Variants in UGT1A9 observed in about 807,000 individuals in gnomAD.
UGT1A9 encodes UDP-glucuronosyltransferase 1A9.
A neutral mutation model predicts 45.0 loss-of-function variants in UGT1A9; 35 were observed. The ratio of observed to expected loss-of-function variants is 0.78; its 90% confidence interval spans 0.59 to 1.03. UGT1A9 has a LOEUF of 1.03. UGT1A9 is among the 50% of genes least tolerant of loss of function. The pLI, the probability that UGT1A9 is intolerant of heterozygous loss-of-function variation, is 0.00. For synonymous variants in UGT1A9, 278 were observed against 250.6 expected, an observed-to-expected ratio of 1.11 and a Z score of -1.03; for missense variants, 687 against 666.6, an observed-to-expected ratio of 1.03 and a Z score of -0.34.
At chr2:233,739,943 C>A (rs1413730564) in intron 1 of UGT1A9, among the ~76,000 whole-genome samples, 1 of 151,878 alleles carries the variant, frequency 6.6e-6, no homozygotes, top group African/African-American at 2.4e-5. Context: ...AAGGTTGGTA[C>A]CTGGTGGGAG....
At chr2:233,707,538 CTT>C (rs753963758) in intron 1 of UGT1A9, among the ~76,000 whole-genome samples, 33 of 126,850 alleles carry the variant, frequency 2.6e-4, no homozygotes, top group Middle Eastern at 4.2e-3. Context: ...TTTGTCTTGC[CTT>C]TTTTTTTTTT....
intron 1 of UGT1A9, among the ~76,000 whole-genome samples, chr2:233,676,925 G>A (rs28970011): frequency 0.017 from 2,534 of 152,096 alleles, 88 homozygotes; most frequent in African/African-American, 0.058. Flanking sequence ...ATTCTGTTCT[G>A]TTGATCTATT....
intron 1 of UGT1A9, chr2:233,722,006 C>G (rs1031101213): frequency 6.6e-5 from 17 of 257,220 alleles, no homozygotes; most frequent in African/African-American, 2.9e-4. Context: ...TTTAAGTGAA[C>G]AGGAAAACTG....
chr2:233,758,878 C>A (rs1575761639), intron 1 of UGT1A9, among the ~76,000 whole-genome samples: 1 of 152,186 alleles, frequency 6.6e-6, no homozygotes, highest in East Asian at 1.9e-4. Context: ...CCCCATAGTC[C>A]ATGGTCAATA....
chr2:233,754,979 G>C lies in UGT1A9; in HGVS notation c.856-12055G>C, dbSNP rs541611005. 93 of 1,297,796 alleles carry C rather than the reference G, an allele frequency of 7.2e-5. No homozygotes were observed. In the African/African-American group the frequency reaches 1.2e-3, roughly 17 times the overall value. The allele number at this position is 1,297,796 out of a possible 1,614,324, so 80.4% of individuals were successfully genotyped here. A position where few individuals can be genotyped will look rare whatever the true frequency, so the allele number is the denominator to read the frequency against. On this transcript the variant is annotated intron_variant, in intron 1 of 4. Coordinates refer to ENST00000354728, the MANE Select transcript of UGT1A9 (RefSeq NM_021027.3). The stretch of plus-strand genomic sequence containing the variant: ...CGCCAAAGAACTCCCTGAAGACCTC[G>C]GCGGGGTCACGGAAGCTGAAGACCT...
intron 2 of UGT1A9, among the ~76,000 whole-genome samples, chr2:233,767,480 G>T (rs1699402121): frequency 6.6e-6 from 1 of 152,144 alleles, no homozygotes; most frequent in South Asian, 2.1e-4. Flanking sequence ...ATATTAAATA[G>T]AAGTATTTCT....
intron 1 of UGT1A9, among the ~76,000 whole-genome samples, chr2:233,674,913 A>T (rs1040675466): frequency 6.6e-6 from 1 of 152,228 alleles, no homozygotes; most frequent in Non-Finnish European, 1.5e-5. Context: ...TTCAGATGCC[A>T]GGATGTGTCT....
intron 1 of UGT1A9, among the ~76,000 whole-genome samples, chr2:233,733,535 T>G (rs1019669539): frequency 5.4e-4 from 82 of 152,358 alleles, no homozygotes; most frequent in Non-Finnish European, 5.9e-5. Flanking sequence ...TTAATTTTGT[T>G]GAAGGCCTTT....
chr2:233,725,805 C>A (rs2077476454), intron 1 of UGT1A9, among the ~76,000 whole-genome samples: 1 of 152,220 alleles, frequency 6.6e-6, no homozygotes, highest in Non-Finnish European at 1.5e-5. Context: ...TCCTTAAAAT[C>A]CATTTTATTG....
At chr2:233,676,946 T>C (rs2074376697) in intron 1 of UGT1A9, among the ~76,000 whole-genome samples, 1 of 152,218 alleles carries the variant, frequency 6.6e-6, no homozygotes, top group African/African-American at 2.4e-5. Context: ...TGTGAAATAT[T>C]TGATTACTAT....
chr2:233,769,840 A>G lies in UGT1A9; in HGVS notation c.1295+1401A>G, dbSNP rs1259397954. 2 of 589,486 alleles carry G rather than the reference A, an allele frequency of 3.4e-6. No homozygotes were observed. The highest frequency in any genetic ancestry group is 5.2e-6 in the Non-Finnish European group (2 of 381,342). The allele number at this position is 589,486 out of a possible 1,614,324, so 36.5% of individuals were successfully genotyped here. On this transcript the variant is annotated intron_variant, in intron 4 of 4. Transcript: ENST00000354728. This position sits in a 1 kb window ranked among gnomAD's most constrained non-coding sequence, Gnocchi z 4.4. ...ACTGCACTCCAGCAACCTGGGCAAC[A>G]GAGTGAGACCCTGTCTCAAAAAAAA...
rs994477735 is a variant in UGT1A9, at chr2:233,769,472, T to C, written c.1295+1033T>C. Reference sequence around the variant, plus strand: ...ACGTGTGCATTCATATGCGTGTGTGTGTGTGTGCGTGTGTTTATGAGAGTG... The same window carrying C: ...ACGTGTGCATTCATATGCGTGTGTGCGTGTGTGCGTGTGTTTATGAGAGTG... On this transcript the variant is annotated intron_variant, in intron 4 of 4. Transcript: ENST00000354728. The surrounding 1 kb of genome is among the most constrained non-coding windows in gnomAD (Gnocchi z 4.4). 4.2e-5 allele frequency: 68 copies of C among 1,609,292 alleles called. No homozygotes were observed. In the African/African-American group the frequency reaches 8.3e-4, roughly 20 times the overall value.
chr2:233,729,516 G>T, intron 1 of UGT1A9: 1 of 1,614,186 alleles, frequency 6.2e-7, no homozygotes, highest in Non-Finnish European at 8.5e-7. Context: ...CTTGTGTGGA[G>T]CTACTACATA....
chr2:233,675,155 C>A (rs1221259464), intron 1 of UGT1A9, among the ~76,000 whole-genome samples: 1 of 152,078 alleles, frequency 6.6e-6, no homozygotes, highest in East Asian at 1.9e-4. Context: ...GGAATTACAT[C>A]CAGGGATGTA....
chr2:233,728,143 T>C (rs2077685239), intron 1 of UGT1A9, among the ~76,000 whole-genome samples: 1 of 152,216 alleles, frequency 6.6e-6, no homozygotes, highest in African/African-American at 2.4e-5. Flanking sequence ...CCCCACAAAT[T>C]GTGCAGCCCA....
In UGT1A9 at chr2:233,672,571, C is replaced by A. The variant is rs1458618874; in HGVS notation, c.637C>A (p.His213Asn). The change falls in exon 1 of 5, where the codon CAC becomes AAC. Residue 213 changes from histidine (H) to asparagine (N), a missense_variant. His to Asn is a moderately conservative substitution (Grantham distance 68, BLOSUM62 1). Coordinates refer to ENST00000354728, the MANE Select transcript of UGT1A9 (RefSeq NM_021027.3). The part of the protein sequence containing the change: ...FKERVRNHIM[H>N]LEEHLLCHRF... Reference sequence around the variant, plus strand: ...GGAGAGAGTACGGAACCACATCATGCACTTGGAGGAACATTTATTATGCCA... The same window carrying A: ...GGAGAGAGTACGGAACCACATCATGAACTTGGAGGAACATTTATTATGCCA... 6.2e-7 allele frequency: 1 copy of A among 1,613,800 alleles called. No individual in the cohort carries two copies. The highest frequency in any genetic ancestry group is 8.5e-7 in the Non-Finnish European group (1 of 1,179,850).
At chr2:233,675,975 T>C (rs1377553701) in intron 1 of UGT1A9, among the ~76,000 whole-genome samples, 1 of 152,162 alleles carries the variant, frequency 6.6e-6, no homozygotes, top group Non-Finnish European at 1.5e-5. Flanking sequence ...ACACAACATC[T>C]TTCCATACAG....
intron 1 of UGT1A9, among the ~76,000 whole-genome samples, chr2:233,694,371 G>C (rs1001600534): frequency 6.6e-6 from 1 of 151,494 alleles, no homozygotes; most frequent in Non-Finnish European, 1.5e-5. Context: ...GGTTTTTGTA[G>C]TTTTAAAACA....
intron 1 of UGT1A9, among the ~76,000 whole-genome samples, chr2:233,680,116 C>T (rs2074475721): frequency 6.6e-6 from 1 of 152,092 alleles, no homozygotes; most frequent in Admixed American, 6.6e-5. Flanking sequence ...AGAGCTCAAT[C>T]TACGGTACCT....
Sources: allele counts gnomAD v4.1 joint callset (sites outside exome capture counted in the v4.1 genomes callset), GRCh38; gene constraint gnomAD v4.1.1; non-coding constraint Gnocchi (gnomAD v3.1); transcripts MANE v1.5; gene names NCBI Gene and HGNC (gene_info 2026-07-23, HGNC 2026-07-21).